Variants in PGM3 observed in about 807,000 individuals in gnomAD.
PGM3 encodes the protein phosphoglucomutase 3, also known as phosphoacetylglucosamine mutase.
A neutral mutation model predicts 66.2 loss-of-function variants in PGM3; 40 were observed. The observed-to-expected ratio is 0.60, with a 90% CI of 0.47 to 0.79. The LOEUF (loss-of-function observed/expected upper bound fraction) is 0.79. Ranked by LOEUF, PGM3 falls within the 30% of genes least tolerant of loss-of-function variation. PGM3 has a pLI of 0.00. For synonymous variants in PGM3, 191 were observed against 224.2 expected (o/e 0.85, Z 1.32); for missense variants, 537 against 643.4 (o/e 0.83, Z 1.79).
intron 1 of PGM3, 139 bp downstream of exon 1, chr6:83,193,040 G>T (rs1407186773): frequency 6.6e-6 from 1 of 151,998 alleles, no homozygotes; most frequent in Non-Finnish European, 1.5e-5. Flanking sequence ...TGTGTCCCGC[G>T]CGCTCCGCCG....
chr6:83,178,708 C>T lies in PGM3; in HGVS notation c.994G>A (p.Gly332Arg). ...IGVVQTAYAN[G>R]SSTRYLEEVM... ...TCTTCAAGATACCGTGTTGAACTTC[C>T]ATTTGCATATGCAGTTTGTACAACA... Residue 332 changes from glycine to arginine, a missense_variant, in exon 8 of 13, where the codon GGA becomes AGA. Physicochemically the swap from Gly to Arg is moderately radical, Grantham distance 125. Coordinates refer to ENST00000513973, the MANE Select transcript of PGM3 (RefSeq NM_015599.3). 1 of 1,606,700 alleles carries T rather than the reference C, an allele frequency of 6.2e-7. No individual in the cohort carries two copies. The highest frequency in any genetic ancestry group is 1.1e-5 in the South Asian group (1 of 90,910).
Position 83,169,087 on chromosome 6 carries a change from A to C in PGM3, c.*147T>G. On this transcript the variant is annotated 3_prime_UTR_variant, in exon 13 of 13. Coordinates refer to ENST00000513973, the MANE Select transcript of PGM3 (RefSeq NM_015599.3). ...CCTATTTATAAAGAATTATTCTGTT[A>C]GTGTTTAAGAAAAACAGATCTAGAG... The C allele has an allele frequency of 6.9e-7, 1 of 1,441,166 alleles. No individual in the cohort carries two copies. Among genetic ancestry groups the C allele is most frequent in the Non-Finnish European group, 9.1e-7 (1 of 1,101,502 alleles). The allele number at this position is 1,441,166 out of a possible 1,614,324, so 89.3% of individuals were successfully genotyped here.
chr6:83,165,255 AAAG>A lies in PGM3; in HGVS notation c.*3976_*3978del, dbSNP rs1785193243. ...CCAGTGTCATAGTTAAGAAAGAAAG[AAAG>A]AAAGTTTTATATATCCTGTAATCTA... On this transcript the variant is annotated 3_prime_UTR_variant, in exon 13 of 13. Coordinates refer to ENST00000513973, the MANE Select transcript of PGM3 (RefSeq NM_015599.3). 6.6e-6 allele frequency: 1 copy of A among 152,582 alleles called. No individual in the cohort carries two copies. Among genetic ancestry groups the A allele is most frequent in the Non-Finnish European group, 1.5e-5 (1 of 68,382 alleles). The allele number at this position is 152,582 out of a possible 1,614,324, so 9.5% of individuals were successfully genotyped here.
intron 8 of PGM3, 116 bp downstream of exon 8, chr6:83,178,557 G>A (rs1246677709): frequency 4.3e-6 from 3 of 691,108 alleles, no homozygotes; most frequent in Non-Finnish European, 7.8e-6. Context: ...ACCTTTACAT[G>A]AACAGCAGCT....
At position 83,172,065 on chromosome 6, in the gene PGM3, A is replaced by T. The variant is rs771721305; in HGVS notation, c.1243-6T>A. ...GAAATAGCATCACCAGCTGCCTGCA[A>T]ATGGGGAAACAAATGGAAGAAACCA... On this transcript the variant is annotated splice_region_variant and splice_polypyrimidine_tract_variant and intron_variant, in intron 10 of 12. Transcript: ENST00000513973. 22 of 1,612,360 alleles carry T rather than the reference A, an allele frequency of 1.4e-5. No homozygotes were observed. The highest frequency in any genetic ancestry group is 1.9e-5 in the Non-Finnish European group (22 of 1,179,598).
chr6:83,168,320 C>G lies in PGM3; in HGVS notation c.*914G>C. On this transcript the variant is annotated 3_prime_UTR_variant, in exon 13 of 13. Coordinates refer to ENST00000513973, the MANE Select transcript of PGM3 (RefSeq NM_015599.3). ...AATATTTGTATATAAGAGCAAATGT[C>G]TGAATGTGGCCTGAATCAAGTTTAA... 2.8e-6 allele frequency: 4 copies of G among 1,422,322 alleles called. No homozygotes were observed. Among genetic ancestry groups the G allele is most frequent in the Non-Finnish European group, 2.7e-6 (3 of 1,094,140 alleles). 88.1% of individuals were successfully genotyped at this position (1,422,322 alleles called of 1,614,324 possible). A position where few individuals can be genotyped will look rare whatever the true frequency, so the allele number is the denominator to read the frequency against.
intron 10 of PGM3, among the ~76,000 whole-genome samples, chr6:83,172,940 A>C (rs1214242216): frequency 6.6e-6 from 1 of 152,204 alleles, no homozygotes; most frequent in East Asian, 1.9e-4. Context: ...TGGCTGACAG[A>C]GTGACACCTT....
chr6:83,159,969 A>T, downstream of PGM3: 1 of 1,613,550 alleles, frequency 6.2e-7, no homozygotes, highest in Non-Finnish European at 8.5e-7. Context: ...ATGTAAGTAA[A>T]AGCAAGGATA....
chr6:83,179,040 G>A (rs1457512623), intron 7 of PGM3, among the ~76,000 whole-genome samples: 2 of 152,144 alleles, frequency 1.3e-5, no homozygotes, highest in Non-Finnish European at 2.9e-5. Flanking sequence ...GCCAGGCACG[G>A]TGGCTCACGC....
chr6:83,154,286 T>G, the PGM3 span: 1 of 1,537,010 alleles, frequency 6.5e-7, no homozygotes, highest in Non-Finnish European at 9.0e-7. Flanking sequence ...CTGTACATGG[T>G]TCCTTCTTAC....
At chr6:83,161,431 G>T (rs1784210844), downstream of PGM3, among the ~76,000 whole-genome samples, 1 of 152,028 alleles carries the variant, frequency 6.6e-6, no homozygotes, top group Non-Finnish European at 1.5e-5. Context: ...AAATTTAAAA[G>T]TATCCATGTA....
chr6:83,154,915 G>T, the PGM3 span, among the ~76,000 whole-genome samples: 1 of 152,084 alleles, frequency 6.6e-6, no homozygotes, highest in African/African-American at 2.4e-5. Flanking sequence ...TTGGAAAAAG[G>T]GCAGGATATC....
At chr6:83,185,884 C>A (rs1788544445) in intron 4 of PGM3, among the ~76,000 whole-genome samples, 1 of 152,066 alleles carries the variant, frequency 6.6e-6, no homozygotes, top group African/African-American at 2.4e-5. Flanking sequence ...GGAATGCCCT[C>A]CCTGAAAGAG....
the PGM3 span, chr6:83,153,549 TGAAAA>T: frequency 6.2e-7 from 1 of 1,609,660 alleles, no homozygotes; most frequent in Non-Finnish European, 8.5e-7. Flanking sequence ...TCTATAGTGA[TGAAAA>T]GGAGCGGGTT....
At chr6:83,158,444 T>C, downstream of PGM3, 1 of 793,966 alleles carries the variant, frequency 1.3e-6, no homozygotes. Context: ...TAAGTATAAT[T>C]TAAAAGATTC....
intron 3 of PGM3, 163 bp downstream of exon 3, chr6:83,188,451 G>A (rs2128506126): frequency 1.7e-6 from 1 of 581,424 alleles, no homozygotes; most frequent in Non-Finnish European, 3.0e-6. Context: ...AGCTGCAGTA[G>A]TGACTTAGCT....
In PGM3 at chr6:83,186,992, C is replaced by A; in HGVS notation, c.457+16G>T. Reference sequence around the variant, plus strand: ...TTAAATATTAGTTTAATTTCCAACTCAGGATAACTACATACCATGGAATTG... The same window carrying A: ...TTAAATATTAGTTTAATTTCCAACTAAGGATAACTACATACCATGGAATTG... On this transcript the variant is annotated intron_variant, in intron 4 of 12. Transcript: ENST00000513973. 1 of 1,396,664 alleles carries A rather than the reference C, an allele frequency of 7.2e-7. No homozygotes were observed. The highest frequency in any genetic ancestry group is 9.9e-7 in the Non-Finnish European group (1 of 1,010,360). The allele number at this position is 1,396,664 out of a possible 1,614,324, so 86.5% of individuals were successfully genotyped here.
At chr6:83,156,024 T>C in the PGM3 span, 19 of 1,614,108 alleles carry the variant, frequency 1.2e-5, no homozygotes, top group East Asian at 4.2e-4. Flanking sequence ...AACAGAGAGC[T>C]ATGCTTCTTA....
intron 1 of PGM3, 103 bp from the exon 2 acceptor site, chr6:83,191,117 A>C: frequency 2.1e-6 from 3 of 1,456,926 alleles, no homozygotes; most frequent in Non-Finnish European, 1.9e-6. Context: ...TCTCATCCTG[A>C]ACCTCCTCAA....
Sources: allele counts gnomAD v4.1 joint callset (sites outside exome capture counted in the v4.1 genomes callset), GRCh38; gene constraint gnomAD v4.1.1; transcripts MANE v1.5; gene names NCBI Gene and HGNC (gene_info 2026-07-23, HGNC 2026-07-21).